BMPR1B: variants seen among roughly 807,000 people sequenced by gnomAD.
BMPR1B encodes the protein bone morphogenetic protein receptor type 1B.
In BMPR1B, 12 loss-of-function variants were observed where a neutral mutation model predicts 59.1. The observed-to-expected ratio is 0.20, with a 90% CI of 0.13 to 0.33. The LOEUF is 0.33. Among genes scored for constraint, BMPR1B ranks in the 10% least tolerant of loss-of-function variants. BMPR1B has a pLI of 1.00. For synonymous variants in BMPR1B, 237 were observed against 207.3 expected, an observed-to-expected ratio of 1.14 and a Z score of -1.23; for missense variants, 550 against 610.9, an observed-to-expected ratio of 0.90 and a Z score of 1.05.
At chr4:95,116,047 G>C (rs1732006494) in intron 6 of BMPR1B, among the ~76,000 whole-genome samples, 1 of 152,112 alleles carries the variant, frequency 6.6e-6, no homozygotes, top group Non-Finnish European at 1.5e-5. Context: ...AGTTTGTAGT[G>C]TATTTCAGGG....
intron 1 of BMPR1B, among the ~76,000 whole-genome samples, chr4:94,827,515 T>A (rs188935649): frequency 7.5e-4 from 114 of 152,312 alleles, no homozygotes; most frequent in Admixed American, 1.5e-3. Context: ...TATCTCTAGT[T>A]TGGCAGACAC....
intron 3 of BMPR1B, among the ~76,000 whole-genome samples, chr4:95,084,767 A>G (rs1004253078): frequency 3.9e-5 from 6 of 152,218 alleles, no homozygotes; most frequent in African/African-American, 7.2e-5. Flanking sequence ...AGTCTTTTCC[A>G]TAATCTAATT....
chr4:94,823,983 C>G (rs1232077245), intron 1 of BMPR1B, among the ~76,000 whole-genome samples: 1 of 152,020 alleles, frequency 6.6e-6, no homozygotes. Flanking sequence ...CCTGACCTTG[C>G]GATCCACCCG....
intron 2 of BMPR1B, among the ~76,000 whole-genome samples, chr4:94,951,300 CA>C (rs1729925201): frequency 6.6e-6 from 1 of 152,140 alleles, no homozygotes. Flanking sequence ...CCAGAACTTC[CA>C]ATACTATGTT....
intron 4 of BMPR1B, among the ~76,000 whole-genome samples, chr4:95,107,903 C>A (rs1731306753): frequency 1.3e-5 from 2 of 151,938 alleles, no homozygotes; most frequent in African/African-American, 4.8e-5. Flanking sequence ...CTCACAGGGG[C>A]CACATTTGTT....
chr4:95,020,594 AAG>A (rs1290940810), intron 3 of BMPR1B, among the ~76,000 whole-genome samples: 2 of 138,948 alleles, frequency 1.4e-5, no homozygotes, highest in Non-Finnish European at 3.2e-5. Flanking sequence ...AAAAAAAAAA[AAG>A]AGTTATCTAG....
intron 1 of BMPR1B, among the ~76,000 whole-genome samples, chr4:94,817,869 A>T (rs1271393507): frequency 6.6e-6 from 1 of 152,180 alleles, no homozygotes; most frequent in African/African-American, 2.4e-5. Flanking sequence ...TTCTGATGGA[A>T]TGTTTTATGT....
intron 3 of BMPR1B, among the ~76,000 whole-genome samples, chr4:95,061,890 C>T (rs1020278045): frequency 5.9e-5 from 9 of 152,056 alleles, no homozygotes; most frequent in East Asian, 1.9e-4. Context: ...TGGATCTTGG[C>T]GGTGGTTTTC....
chr4:94,842,752 A>T (rs994066908), intron 1 of BMPR1B, among the ~76,000 whole-genome samples: 1 of 152,210 alleles, frequency 6.6e-6, no homozygotes, highest in Non-Finnish European at 1.5e-5. Context: ...ACTAGAATTG[A>T]ACTCTTAACC....
chr4:94,767,836 A>G (rs1722027196), intron 1 of BMPR1B, among the ~76,000 whole-genome samples: 1 of 152,098 alleles, frequency 6.6e-6, no homozygotes. Context: ...CTGCTCCATA[A>G]TTATGCATAT....
At chr4:95,091,429 A>G (rs904442012) in intron 3 of BMPR1B, 9 of 981,658 alleles carry the variant, frequency 9.2e-6, no homozygotes, top group African/African-American at 3.5e-5. Flanking sequence ...ACTACTGAGA[A>G]AAACAGCTGA....
chr4:94,820,569 G>T (rs1443897819), intron 1 of BMPR1B, among the ~76,000 whole-genome samples: 2 of 152,202 alleles, frequency 1.3e-5, no homozygotes, highest in Non-Finnish European at 2.9e-5. Context: ...TAAAGATATG[G>T]TAATGATTTG....
intron 3 of BMPR1B, among the ~76,000 whole-genome samples, chr4:95,103,015 A>T (rs1730935987): frequency 6.7e-6 from 1 of 149,346 alleles, no homozygotes; most frequent in Non-Finnish European, 1.5e-5. Context: ...TGCAATCAAC[A>T]TTTTTTTTTT....
intron 1 of BMPR1B, among the ~76,000 whole-genome samples, chr4:94,847,791 G>C (rs1455472586): frequency 6.6e-6 from 1 of 152,106 alleles, no homozygotes; most frequent in East Asian, 1.9e-4. Context: ...TGGCTGACAA[G>C]GGTAGTGGGG....
chr4:94,829,304 C>T (rs550976178), intron 1 of BMPR1B, among the ~76,000 whole-genome samples: 2 of 145,754 alleles, frequency 1.4e-5, no homozygotes, highest in Admixed American at 7.0e-5. Flanking sequence ...TTAGGAAATT[C>T]TTTCAACAAT....
chr4:94,803,432 A>G (rs751394172), intron 1 of BMPR1B, among the ~76,000 whole-genome samples: 61 of 152,120 alleles, frequency 4.0e-4, no homozygotes, highest in Admixed American at 5.9e-4. Flanking sequence ...AGACTCTCCA[A>G]TGGAAAATGG....
At chr4:94,869,532 C>T (rs1481585856) in intron 1 of BMPR1B, among the ~76,000 whole-genome samples, 2 of 152,134 alleles carry the variant, frequency 1.3e-5, no homozygotes, top group Non-Finnish European at 2.9e-5. Context: ...CAATATTCAG[C>T]TTTGCATATG....
intron 1 of BMPR1B, among the ~76,000 whole-genome samples, chr4:94,788,727 C>A (rs527338731): frequency 6.0e-4 from 92 of 152,294 alleles, no homozygotes; most frequent in Non-Finnish European, 1.5e-4. Context: ...GAGATGAGGG[C>A]ATCTTTTAGA....
chr4:94,859,311 C>G (rs1395302211), intron 1 of BMPR1B, among the ~76,000 whole-genome samples: 2 of 152,140 alleles, frequency 1.3e-5, no homozygotes, highest in African/African-American at 4.8e-5. Context: ...AAAAAAACTT[C>G]CGTCTTTTAA....
Sources: gnomAD v4.1 joint callset for allele counts (sites outside exome capture counted in the v4.1 genomes callset) on GRCh38, gnomAD v4.1.1 for gene constraint, MANE v1.5 for transcripts, NCBI Gene and HGNC (gene_info 2026-07-23, HGNC 2026-07-21) for gene names.